Variants in PDE3A observed in about 807,000 individuals in gnomAD.
PDE3A encodes phosphodiesterase 3A, also known as cGMP-inhibited 3',5'-cyclic phosphodiesterase 3A.
Under a neutral mutation model 98.3 loss-of-function variants are expected in PDE3A, and 43 were observed. The ratio of observed to expected loss-of-function variants is 0.44; its 90% confidence interval spans 0.34 to 0.56. The LOEUF is 0.56. Ranked by LOEUF, PDE3A falls within the 20% of genes least tolerant of loss-of-function variation. The probability of loss-of-function intolerance (pLI) is 0.01; values close to 1 mark genes in which losing one functional copy is unlikely to be tolerated. For missense variants in PDE3A, 1,427 were observed against 1,440.7 expected (o/e 0.99, Z 0.15); for synonymous variants, 663 against 567.9 (o/e 1.17, Z -2.38).
chr12:20,437,472 C>T (rs561440274), intron 1 of PDE3A, among the ~76,000 whole-genome samples: 7 of 152,248 alleles, frequency 4.6e-5, no homozygotes, highest in South Asian at 4.1e-4. Context: ...AATTGGCTCA[C>T]GGTTCTGCAG....
intron 1 of PDE3A, among the ~76,000 whole-genome samples, chr12:20,445,070 G>A (rs959389166): frequency 2.6e-5 from 4 of 152,120 alleles, no homozygotes; most frequent in South Asian, 2.1e-4. Flanking sequence ...TAACTCCAAA[G>A]CAAGTGAAAC....
chr12:20,398,672 A>G (rs7964703), intron 1 of PDE3A, among the ~76,000 whole-genome samples: 113,343 of 151,380 alleles, frequency 0.75, 42,916 homozygotes, highest in East Asian at 0.98. Flanking sequence ...ATGGAAACAG[A>G]CATGTTGACA....
chr12:20,464,990 A>G (rs1017346588), intron 1 of PDE3A, among the ~76,000 whole-genome samples: 1 of 152,208 alleles, frequency 6.6e-6, no homozygotes, highest in Non-Finnish European at 1.5e-5. Context: ...GTTACATATG[A>G]GAATATGAAA....
intron 13 of PDE3A, among the ~76,000 whole-genome samples, chr12:20,650,160 CTT>C (rs1296981226): frequency 1.3e-5 from 2 of 152,054 alleles, no homozygotes; most frequent in East Asian, 3.9e-4. Context: ...CAGTTATACT[CTT>C]TTAGTTATTT....
intron 5 of PDE3A, among the ~76,000 whole-genome samples, chr12:20,629,468 A>C (rs1299052432): frequency 6.6e-6 from 1 of 152,184 alleles, no homozygotes; most frequent in Non-Finnish European, 1.5e-5. Context: ...ATGCCTGCTG[A>C]ACTCTGCCCC....
intron 1 of PDE3A, among the ~76,000 whole-genome samples, chr12:20,433,138 T>C (rs1944724799): frequency 6.6e-6 from 1 of 152,136 alleles, no homozygotes; most frequent in Admixed American, 6.5e-5. Flanking sequence ...CCTCCTTTTA[T>C]TAACCTGACT....
chr12:20,545,781 A>AG (rs200694205), intron 1 of PDE3A, among the ~76,000 whole-genome samples: 3 of 76,268 alleles, frequency 3.9e-5, no homozygotes, highest in Non-Finnish European at 9.4e-5. Context: ...GGCTGCCAAA[A>AG]AAAAAAAAAC....
chr12:20,604,420 C>T (rs1310307436), intron 2 of PDE3A, among the ~76,000 whole-genome samples: 1 of 151,972 alleles, frequency 6.6e-6, no homozygotes, highest in Non-Finnish European at 1.5e-5. Flanking sequence ...TAAAACTCTG[C>T]TTTCCAACTT....
intron 15 of PDE3A, among the ~76,000 whole-genome samples, chr12:20,662,017 G>A (rs1325518839): frequency 6.6e-6 from 1 of 152,166 alleles, no homozygotes; most frequent in Admixed American, 6.5e-5. Context: ...CATGAGGGAG[G>A]CTGTACCCTG....
chr12:20,586,473 A>G (rs1943200431), intron 2 of PDE3A, among the ~76,000 whole-genome samples: 1 of 152,210 alleles, frequency 6.6e-6, no homozygotes, highest in African/African-American at 2.4e-5. Context: ...GAGCTCTTAA[A>G]AAAGATTTAG....
At chr12:20,673,854 TAAAAATAAA>T (rs1565473267) in intron 15 of PDE3A, among the ~76,000 whole-genome samples, 1 of 77,160 alleles carries the variant, frequency 1.3e-5, no homozygotes, top group African/African-American at 5.3e-5. Flanking sequence ...ATAATAAAAA[TAAAAATAAA>T]AAAAATAAAA....
chr12:20,520,146 G>C (rs928331201), intron 1 of PDE3A, among the ~76,000 whole-genome samples: 6 of 152,168 alleles, frequency 3.9e-5, no homozygotes, highest in Non-Finnish European at 8.8e-5. Flanking sequence ...TGAAATTCAA[G>C]TAGTGTAGTA....
chr12:20,650,598 C>G lies in PDE3A; in HGVS notation c.2923C>G (p.Gln975Glu). ...TDGIVNEFYE[Q>E]GDEEASLGLP... is the part of the protein sequence containing the mutation. ...TGGTATTGTCAATGAATTTTATGAA[C>G]AGGTAACTGACCACTGTTTAATACA... The change falls in exon 14 of 16, where the codon CAG becomes GAG. Residue 975 changes from glutamine (Q) to glutamate (E), a missense_variant and splice_region_variant. Coordinates refer to ENST00000359062, the MANE Select transcript of PDE3A (RefSeq NM_000921.5). 6.2e-7 allele frequency: 1 copy of G among 1,605,588 alleles called. No homozygotes were observed. The highest frequency in any genetic ancestry group is 8.5e-7 in the Non-Finnish European group (1 of 1,173,076).
At chr12:20,476,870 A>C (rs1233410931) in intron 1 of PDE3A, among the ~76,000 whole-genome samples, 1 of 152,224 alleles carries the variant, frequency 6.6e-6, no homozygotes, top group Non-Finnish European at 1.5e-5. Flanking sequence ...GTATACATTG[A>C]AAATTATTAA....
At chr12:20,669,816 A>C (rs1477301586) in intron 15 of PDE3A, among the ~76,000 whole-genome samples, 4 of 152,124 alleles carry the variant, frequency 2.6e-5, no homozygotes, top group Admixed American at 6.5e-5. Context: ...ACCAGCTAAC[A>C]TCATAATGAC....
At chr12:20,542,354 A>AT (rs1941935867) in intron 1 of PDE3A, among the ~76,000 whole-genome samples, 1 of 151,982 alleles carries the variant, frequency 6.6e-6, no homozygotes, top group South Asian at 2.1e-4. Flanking sequence ...CTATTTATCA[A>AT]TTTTAAAGAC....
intron 1 of PDE3A, among the ~76,000 whole-genome samples, chr12:20,391,327 CGTGT>C (rs1565534385): frequency 6.8e-6 from 1 of 147,714 alleles, no homozygotes; most frequent in Non-Finnish European, 1.5e-5. Context: ...CTAGCATCAT[CGTGT>C]GTGTGTATGT....
intron 1 of PDE3A, among the ~76,000 whole-genome samples, chr12:20,407,433 A>G (rs1367578130): frequency 2.0e-5 from 3 of 152,242 alleles, no homozygotes; most frequent in African/African-American, 7.2e-5. Context: ...AAAGGCAAAA[A>G]AGGCAGGCAA....
rs200608843 is a variant in PDE3A, at chr12:20,489,171, T to C, written c.961-67489T>C. On this transcript the variant is annotated intron_variant, in intron 1 of 15. Coordinates refer to ENST00000359062, the MANE Select transcript of PDE3A (RefSeq NM_000921.5). ...TAGATTTTTACTTGCAGTTATTTTC[T>C]CTTAGTCATTTCTTTCCTTCATTAA... 1.2e-4 allele frequency among the ~76,000 whole-genome samples: 18 copies of C among 152,346 alleles called. No homozygotes were observed. In the East Asian group the frequency reaches 3.5e-3, roughly 29 times the overall value.
Sources: allele counts gnomAD v4.1 joint callset (sites outside exome capture counted in the v4.1 genomes callset), GRCh38; gene constraint gnomAD v4.1.1; transcripts MANE v1.5; gene names NCBI Gene and HGNC (gene_info 2026-07-23, HGNC 2026-07-21).